Variants in LARGE1 observed in about 807,000 individuals in gnomAD.
LARGE1 encodes the protein xylosyl- and glucuronyltransferase LARGE1.
Under a neutral mutation model 87.6 loss-of-function variants are expected in LARGE1, and 43 were observed. The ratio of observed to expected loss-of-function variants is 0.49; its 90% CI spans 0.38 to 0.63. The LOEUF is 0.63. Ranked by LOEUF, LARGE1 falls within the 30% of genes least tolerant of loss-of-function variation. LARGE1 has a pLI of 0.00. For synonymous variants in LARGE1, 434 were observed against 394.6 expected (o/e 1.10, Z -1.18); for missense variants, 802 against 1,000.2 (o/e 0.80, Z 2.67).
intron 4 of LARGE1, among the ~76,000 whole-genome samples, chr22:33,606,888 G>A (rs1288363422): frequency 6.6e-6 from 1 of 152,092 alleles, no homozygotes; most frequent in East Asian, 1.9e-4. Context: ...TAGGTCAGGG[G>A]TCCTTCCTAA....
At chr22:33,812,843 GCA>G in intron 1 of LARGE1, among the ~76,000 whole-genome samples, 1 of 152,208 alleles carries the variant, frequency 6.6e-6, no homozygotes, top group East Asian at 1.9e-4. Context: ...AGACAATGAA[GCA>G]CAGAGATGAA....
At chr22:33,319,440 G>C (rs1382760928) in intron 10 of LARGE1, among the ~76,000 whole-genome samples, 1 of 152,148 alleles carries the variant, frequency 6.6e-6, no homozygotes. Flanking sequence ...CTGTTGCCCA[G>C]GCTGGAGTGC....
the LARGE1 span, among the ~76,000 whole-genome samples, chr22:33,140,027 C>T: frequency 6.6e-6 from 1 of 152,204 alleles, no homozygotes; most frequent in Non-Finnish European, 1.5e-5. Flanking sequence ...GTAATGGAAC[C>T]TCTGCCCTAT....
intron 11 of LARGE1, among the ~76,000 whole-genome samples, chr22:33,258,753 A>G (rs1057188948): frequency 2.0e-5 from 3 of 152,178 alleles, no homozygotes; most frequent in African/African-American, 4.8e-5. Flanking sequence ...TTTGCTTTGT[A>G]TCGTGGACTC....
At chr22:33,874,004 C>G (rs1440609612) in intron 1 of LARGE1, among the ~76,000 whole-genome samples, 1 of 151,816 alleles carries the variant, frequency 6.6e-6, no homozygotes, top group East Asian at 1.9e-4. Context: ...CTCCGTCTCT[C>G]TTCCCCTCCC....
chr22:33,403,154 C>T (rs1482598846), intron 7 of LARGE1, among the ~76,000 whole-genome samples: 1 of 152,188 alleles, frequency 6.6e-6, no homozygotes, highest in African/African-American at 2.4e-5. Flanking sequence ...AAACTCTGAG[C>T]TCCCAGAGGG....
At chr22:33,745,555 C>A (rs1052139391) in intron 2 of LARGE1, among the ~76,000 whole-genome samples, 2 of 152,130 alleles carry the variant, frequency 1.3e-5, no homozygotes, top group African/African-American at 4.8e-5. Context: ...CAATCTGCCC[C>A]CAAACTGCGC....
chr22:33,128,012 T>C, the LARGE1 span, among the ~76,000 whole-genome samples: 2 of 152,364 alleles, frequency 1.3e-5, no homozygotes, highest in South Asian at 4.1e-4. Flanking sequence ...CCCTCATACA[T>C]ATATTAGTAT....
chr22:33,535,129 C>T (rs1238967234), intron 6 of LARGE1, among the ~76,000 whole-genome samples: 3 of 152,220 alleles, frequency 2.0e-5, no homozygotes, highest in African/African-American at 7.2e-5. Flanking sequence ...GGGCCTCCCC[C>T]GTCAGGGCGT....
In LARGE1 at chr22:33,850,430, G is replaced by A. The variant is rs147835471; in HGVS notation, c.-83+69565C>T. On this transcript the variant is annotated intron_variant, in intron 1 of 14. Coordinates refer to ENST00000397394, the MANE Select transcript of LARGE1 (RefSeq NM_133642.5). ...GGCCAGCTGGCTGGTGACTGTGGGT[G>A]GGTAATTTAACCTCTAGGTTTCCGC... Among the ~76,000 whole-genome samples, 22 of 152,226 alleles carry A rather than the reference G, an allele frequency of 1.4e-4. No individual in the cohort carries two copies. In the East Asian group the frequency reaches 4.3e-3, roughly 29 times the overall value.
chr22:33,254,258 T>C (rs1315245827), intron 11 of LARGE1, among the ~76,000 whole-genome samples: 1 of 152,082 alleles, frequency 6.6e-6, no homozygotes, highest in Non-Finnish European at 1.5e-5. Flanking sequence ...AAATGGGACA[T>C]GGTGTGTGAC....
At chr22:33,519,796 C>G (rs1222245254) in intron 6 of LARGE1, among the ~76,000 whole-genome samples, 1 of 152,084 alleles carries the variant, frequency 6.6e-6, no homozygotes, top group African/African-American at 2.4e-5. Context: ...GGCCACATCA[C>G]CAGCCCACAT....
the LARGE1 span, among the ~76,000 whole-genome samples, chr22:33,124,497 G>T: frequency 1.3e-5 from 2 of 152,072 alleles, no homozygotes; most frequent in Non-Finnish European, 2.9e-5. Flanking sequence ...TTGCAGTTTT[G>T]ATGACCAATT....
chr22:33,817,901 GGAGGGAGGAAAGGGGGAGGA>G (rs202246858), intron 1 of LARGE1, among the ~76,000 whole-genome samples: 10,842 of 151,862 alleles, frequency 0.071, 511 homozygotes, highest in Admixed American at 0.11. Context: ...AGAAGCTGAA[GGAGGGAGGAAAGGGGGAGGA>G]GAGGGAGGAA....
intron 1 of LARGE1, among the ~76,000 whole-genome samples, chr22:33,858,383 G>C (rs1014689722): frequency 1.3e-5 from 2 of 152,204 alleles, no homozygotes; most frequent in Non-Finnish European, 2.9e-5. Context: ...TTAACAGAGT[G>C]AAAACAGAGC....
chr22:33,492,543 A>T (rs1025662943), intron 6 of LARGE1, among the ~76,000 whole-genome samples: 3 of 152,236 alleles, frequency 2.0e-5, no homozygotes, highest in African/African-American at 7.2e-5. Flanking sequence ...CCAGTTGCAC[A>T]GTAAACAGGA....
the LARGE1 span, among the ~76,000 whole-genome samples, chr22:33,092,891 GA>G: frequency 1.3e-5 from 2 of 152,116 alleles, no homozygotes; most frequent in African/African-American, 4.8e-5. Context: ...CATTTGGGTT[GA>G]TTTCACATCT....
At chr22:33,427,310 G>A (rs2066912948) in intron 7 of LARGE1, among the ~76,000 whole-genome samples, 1 of 152,166 alleles carries the variant, frequency 6.6e-6, no homozygotes, top group Non-Finnish European at 1.5e-5. Context: ...GGATCTGCCT[G>A]GTTATCCATC....
chr22:33,529,652 G>A (rs180899048), intron 6 of LARGE1, among the ~76,000 whole-genome samples: 7 of 152,256 alleles, frequency 4.6e-5, no homozygotes, highest in Non-Finnish European at 8.8e-5. Context: ...GCAGGGGATC[G>A]GATCTTTTTC....
Sources: allele counts gnomAD v4.1 joint callset (sites outside exome capture counted in the v4.1 genomes callset), GRCh38; gene constraint gnomAD v4.1.1; transcripts MANE v1.5; gene names NCBI Gene and HGNC (gene_info 2026-07-23, HGNC 2026-07-21).